Variants in ZNF462 observed in about 807,000 individuals in gnomAD.
ZNF462 encodes zinc finger PBX1-interacting protein.
In ZNF462, 10 loss-of-function variants were observed where a neutral mutation model predicts 201.9. The observed-to-expected ratio is 0.05, with a 90% CI of 0.03 to 0.08. The LOEUF (loss-of-function observed/expected upper bound fraction) is 0.08. Among genes scored for constraint, ZNF462 ranks in the 10% least tolerant of loss-of-function variants. The pLI, the probability that ZNF462 is intolerant of heterozygous loss-of-function variation, is 1.00. For synonymous variants in ZNF462, 1,227 were observed against 1,193.3 expected, an observed-to-expected ratio of 1.03 and a Z score of -0.58; for missense variants, 2,523 against 3,168.3, an observed-to-expected ratio of 0.80 and a Z score of 4.89.
Position 106,874,402 on chromosome 9 carries a change from G to T in ZNF462, c.-31+11047G>T, listed in dbSNP as rs577274410. Among the ~76,000 whole-genome samples the T allele has an allele frequency of 3.2e-4, 48 of 152,254 alleles. 1 individual carries two copies. In the South Asian group the frequency reaches 1.0e-2, roughly 32 times the overall value. On this transcript the variant is annotated intron_variant, in intron 1 of 12. Transcript: ENST00000277225. ...CCAGGCTACCCTCAGGAACTGCTTT[G>T]CAGGAAACAAGGTGAACTGGGTCAA... is the stretch of plus-strand genomic sequence containing the variant.
chr9:106,970,961 T>C lies in ZNF462; in HGVS notation c.6428-1044T>C, dbSNP rs1447727039. Among the ~76,000 whole-genome samples, 1 of 152,196 alleles carries C rather than the reference T, an allele frequency of 6.6e-6. No individual in the cohort carries two copies. Among genetic ancestry groups the C allele is most frequent in the East Asian group, 1.9e-4 (1 of 5,198 alleles). ...TTTGTGCCTGTCATTTCCGACATTT[T>C]CCTCAGAATCGCAAACTTTAAAATA... On this transcript the variant is annotated intron_variant, in intron 7 of 12. Coordinates refer to ENST00000277225, the MANE Select transcript of ZNF462 (RefSeq NM_021224.6). The surrounding 1 kb of genome is among the most constrained non-coding windows in gnomAD (Gnocchi z 4.2).
chr9:106,931,914 A>G (rs1049650714), intron 4 of ZNF462, among the ~76,000 whole-genome samples: 4 of 152,086 alleles, frequency 2.6e-5, no homozygotes, highest in Non-Finnish European at 5.9e-5. Flanking sequence ...GTGAGCCACA[A>G]CCCTAGCCCA....
chr9:106,988,051 T>C (rs1265305062), intron 10 of ZNF462, among the ~76,000 whole-genome samples: 2 of 152,144 alleles, frequency 1.3e-5, no homozygotes, highest in Non-Finnish European at 2.9e-5. Flanking sequence ...ACTATGCTGT[T>C]TTGGTGAGGA....
Position 106,928,787 on chromosome 9 carries a change from T to C in ZNF462, c.4875T>C (p.Thr1625=). ...LPVPLEPEMT[T]EVSPSQVSIT... The stretch of plus-strand genomic sequence containing the variant: ...TCCCCCTCGAGCCCGAGATGACCAC[T>C]GAAGTGAGCCCTTCCCAAGTCTCCA... Residue 1625 remains threonine, a synonymous_variant, in exon 3 of 13, where the codon ACT becomes ACC. Coordinates refer to ENST00000277225, the MANE Select transcript of ZNF462 (RefSeq NM_021224.6). This position sits in a 1 kb window ranked among gnomAD's most constrained non-coding sequence, Gnocchi z 9.3. The C allele has an allele frequency of 6.2e-7, 1 of 1,614,154 alleles. No homozygotes were observed. The highest frequency in any genetic ancestry group is 1.1e-5 in the South Asian group (1 of 91,076).
rs1382919712 is a variant in ZNF462, at chr9:106,886,036, A to G, written c.-31+22681A>G. 1.3e-5 allele frequency among the ~76,000 whole-genome samples: 2 copies of G among 152,218 alleles called. No individual in the cohort carries two copies. Among genetic ancestry groups the G allele is most frequent in the African/African-American group, 2.4e-5 (1 of 41,458 alleles). On this transcript the variant is annotated intron_variant, in intron 1 of 12. Coordinates refer to ENST00000277225, the MANE Select transcript of ZNF462 (RefSeq NM_021224.6). The surrounding 1 kb of genome is among the most constrained non-coding windows in gnomAD (Gnocchi z 4.6). ...CAAGGTAGCCTTAAAAAAATGTGTGATGCCTATTTTAAATAAAATAACAAA... is the reference window on the plus strand; with the variant it reads ...CAAGGTAGCCTTAAAAAAATGTGTGGTGCCTATTTTAAATAAAATAACAAA...
At chr9:106,937,898 T>C (rs1040557264) in intron 6 of ZNF462, among the ~76,000 whole-genome samples, 1 of 152,304 alleles carries the variant, frequency 6.6e-6, no homozygotes, top group African/African-American at 2.4e-5. Flanking sequence ...TAAAACTTTA[T>C]ATTTATTAAA....
intron 7 of ZNF462, among the ~76,000 whole-genome samples, chr9:106,939,374 A>T (rs962600302): frequency 6.6e-6 from 1 of 152,134 alleles, no homozygotes; most frequent in Non-Finnish European, 1.5e-5. Flanking sequence ...AGTGGGATGG[A>T]TTAGTTTTGG....
In ZNF462 at chr9:107,009,387, A is replaced by C. The variant is rs962443325; in HGVS notation, c.7190-158A>C. The C allele has an allele frequency of 9.9e-7, 1 of 1,009,426 alleles. No individual in the cohort carries two copies. Among genetic ancestry groups the C allele is most frequent in the Admixed American group, 2.6e-5 (1 of 38,886 alleles). The allele number at this position is 1,009,426 out of a possible 1,614,324, so 62.5% of individuals were successfully genotyped here. A position where few individuals can be genotyped will look rare whatever the true frequency, so the allele number is the denominator to read the frequency against. Reference sequence around the variant, plus strand: ...TCGAATGCTATTCAAGGAATGCCCTAAGGGGGAAACCTAAGAAAAAGTGAG... The same window carrying C: ...TCGAATGCTATTCAAGGAATGCCCTCAGGGGGAAACCTAAGAAAAAGTGAG... On this transcript the variant is annotated intron_variant, in intron 11 of 12. Coordinates refer to ENST00000277225, the MANE Select transcript of ZNF462 (RefSeq NM_021224.6). This position sits in a 1 kb window ranked among gnomAD's most constrained non-coding sequence, Gnocchi z 6.1.
intron 1 of ZNF462, among the ~76,000 whole-genome samples, chr9:106,878,212 A>G (rs547816217): frequency 1.2e-4 from 19 of 152,272 alleles, no homozygotes; most frequent in African/African-American, 4.3e-4. Flanking sequence ...TCTTATCTTT[A>G]AAGTGGAATT....
rs1295188067 is a variant in ZNF462, at chr9:106,924,497, C to G, written c.585C>G (p.Pro195=). The change falls in exon 3 of 13, where the codon CCC becomes CCG. Residue 195 remains proline, a synonymous_variant. Coordinates refer to ENST00000277225, the MANE Select transcript of ZNF462 (RefSeq NM_021224.6). This position sits in a 1 kb window ranked among gnomAD's most constrained non-coding sequence, Gnocchi z 6.2. ...HKNNLKETTA[P]PPAPAPMPDP... ...ACAATTTGAAGGAGACCACTGCTCC[C>G]CCACCTGCTCCTGCTCCAATGCCAG... The G allele has an allele frequency of 6.2e-7, 1 of 1,613,962 alleles. No individual in the cohort carries two copies. Among genetic ancestry groups the G allele is most frequent in the African/African-American group, 1.3e-5 (1 of 74,926 alleles).
At position 106,876,754 on chromosome 9, in the gene ZNF462, G is replaced by C. The variant is rs1190585028; in HGVS notation, c.-31+13399G>C. The stretch of plus-strand genomic sequence containing the variant: ...AGTTTTCTGAGCTTTTCAGAAGAAA[G>C]ATGTTATTACTGTTCCTATTGTTTG... On this transcript the variant is annotated intron_variant, in intron 1 of 12. Coordinates refer to ENST00000277225, the MANE Select transcript of ZNF462 (RefSeq NM_021224.6). The surrounding 1 kb of genome is among the most constrained non-coding windows in gnomAD (Gnocchi z 4.9). Among the ~76,000 whole-genome samples, 1 of 152,158 alleles carries C rather than the reference G, an allele frequency of 6.6e-6. No individual in the cohort carries two copies. The highest frequency in any genetic ancestry group is 1.5e-5 in the Non-Finnish European group (1 of 68,028).
Position 106,928,213 on chromosome 9 carries a change from C to T in ZNF462, c.4301C>T (p.Pro1434Leu), listed in dbSNP as rs775892690. 6 of 1,614,082 alleles carry T rather than the reference C, an allele frequency of 3.7e-6. No individual in the cohort carries two copies. Among genetic ancestry groups the T allele is most frequent in the Non-Finnish European group, 5.1e-6 (6 of 1,180,018 alleles). Residue 1434 changes from proline (P) to leucine (L), a missense_variant, in exon 3 of 13, where the codon CCC becomes CTC. Transcript: ENST00000277225. The surrounding 1 kb of genome is among the most constrained non-coding windows in gnomAD (Gnocchi z 9.3). ...CCTGTGAATTGTGAAAACAGTATAC[C>T]CACCCCTTTCCCGGAGCAGGAAGCT... ...AGPVNCENSI[P>L]TPFPEQEAEC...
Position 106,928,030 on chromosome 9 carries a change from A to G in ZNF462, c.4118A>G (p.Asp1373Gly). ...PAEAKTYRCR[D>G]CVFEAVSIWD... is the part of the protein sequence containing the mutation. ...GAAGCCAAAACCTACAGATGCAGGG[A>G]CTGTGTTTTCGAAGCTGTTTCCATC... Residue 1373 changes from aspartate (D) to glycine (G), a missense_variant, in exon 3 of 13, where the codon GAC becomes GGC. Asp to Gly is a moderately conservative substitution (Grantham distance 94). This residue lies in a region of ZNF462 where 165 missense variants were observed against 142.6 expected (regional missense o/e 1.16). Transcript: ENST00000277225. This position sits in a 1 kb window ranked among gnomAD's most constrained non-coding sequence, Gnocchi z 9.3. 1.2e-6 allele frequency: 2 copies of G among 1,614,114 alleles called. No individual in the cohort carries two copies. Among genetic ancestry groups the G allele is most frequent in the Non-Finnish European group, 8.5e-7 (1 of 1,180,034 alleles).
rs775428267 is a variant in ZNF462 at position 106,926,932 on chromosome 9, A to G, written c.3020A>G (p.Asn1007Ser). 8.7e-6 allele frequency: 14 copies of G among 1,614,052 alleles called. No homozygotes were observed. The Admixed American group carries it at 1.3e-4, about 15-fold the overall frequency. The change falls in exon 3 of 13, where the codon AAC (asparagine) becomes AGC (serine). Residue 1007 changes from asparagine to serine, a missense_variant. Transcript: ENST00000277225. This position sits in a 1 kb window ranked among gnomAD's most constrained non-coding sequence, Gnocchi z 7.9. ...GGTTTGCCAGCTACGTTCAACAAAA[A>G]CACTCCTAAGACCTTTACTCCTGAA... ...GGGLPATFNK[N>S]TPKTFTPECE...
intron 7 of ZNF462, among the ~76,000 whole-genome samples, chr9:106,965,279 T>G (rs1389825197): frequency 2.0e-5 from 3 of 152,050 alleles, no homozygotes; most frequent in Non-Finnish European, 4.4e-5. Flanking sequence ...GAAGTGAGGC[T>G]GGAGACATGG....
rs1827135036 is a variant in ZNF462, at chr9:106,977,858, A to C, written c.6832+3585A>C. On this transcript the variant is annotated intron_variant, in intron 9 of 12. Coordinates refer to ENST00000277225, the MANE Select transcript of ZNF462 (RefSeq NM_021224.6). This position sits in a 1 kb window ranked among gnomAD's most constrained non-coding sequence, Gnocchi z 4.6. ...GACCACCAAATGTGTAGATTAAAAC[A>C]ATAGAAATGTATTCTCTCACAGTTC... Among the ~76,000 whole-genome samples the C allele has an allele frequency of 6.6e-6, 1 of 151,382 alleles. No homozygotes were observed. The highest frequency in any genetic ancestry group is 1.5e-5 in the Non-Finnish European group (1 of 67,988).
intron 1 of ZNF462, among the ~76,000 whole-genome samples, chr9:106,884,033 T>C (rs1828213242): frequency 1.3e-5 from 2 of 152,328 alleles, no homozygotes; most frequent in South Asian, 2.1e-4. Context: ...AGCTCCCTTT[T>C]AAAAAGTTTT....
In ZNF462 at chr9:106,974,271, G is replaced by A. The variant is rs769096911; in HGVS notation, c.6830G>A (p.Arg2277Gln). 15 of 1,614,016 alleles carry A rather than the reference G, an allele frequency of 9.3e-6. No homozygotes were observed. The highest frequency in any genetic ancestry group is 1.0e-5 in the Non-Finnish European group (12 of 1,180,028). Residue 2277 changes from arginine (R) to glutamine (Q), a missense_variant and splice_region_variant, in exon 9 of 13, where the codon CGA becomes CAA. Physicochemically the swap from Arg to Gln is conservative, Grantham distance 43 (BLOSUM62 1). Transcript: ENST00000277225. This position sits in a 1 kb window ranked among gnomAD's most constrained non-coding sequence, Gnocchi z 4.0. ...ATGATTGACCACATCGTGCTGCACC[G>A]AGGTAACCTTTCTAACTTGGTTTTC... ...RNMIDHIVLH[R>Q]EERVVPIEVC...
intron 1 of ZNF462, among the ~76,000 whole-genome samples, chr9:106,888,986 C>A (rs1428468459): frequency 6.6e-6 from 1 of 152,202 alleles, no homozygotes; most frequent in Non-Finnish European, 1.5e-5. Context: ...TTAGTTGTTT[C>A]AGCAGAATGA....
Sources: allele counts gnomAD v4.1 joint callset (sites outside exome capture counted in the v4.1 genomes callset), GRCh38; gene constraint gnomAD v4.1.1; regional missense constraint gnomAD v4.1.1; non-coding constraint Gnocchi (gnomAD v3.1); transcripts MANE v1.5; gene names NCBI Gene and HGNC (gene_info 2026-07-23, HGNC 2026-07-21).